MARCHF1: variants seen among roughly 807,000 people sequenced by gnomAD.
The protein encoded by MARCHF1 is E3 ubiquitin-protein ligase MARCHF1.
A neutral mutation model predicts 54.2 loss-of-function variants in MARCHF1; 40 were observed. The ratio of observed to expected loss-of-function variants is 0.74; its 90% CI spans 0.57 to 0.96. The LOEUF (loss-of-function observed/expected upper bound fraction) is 0.96. Ranked by LOEUF, MARCHF1 falls within the 40% of genes least tolerant of loss-of-function variation. MARCHF1 has a pLI of 0.00. For missense variants in MARCHF1, 586 were observed against 656.5 expected (o/e 0.89, Z 1.17); for synonymous variants, 236 against 236.3 (o/e 1.00, Z 0.01).
intron 1 of MARCHF1, chr4:164,197,682 C>A: frequency 6.2e-7 from 1 of 1,612,528 alleles, no homozygotes. Context: ...TGTTCCGCAG[C>A]TCTGAATGAA....
chr4:163,962,824 T>A (rs967062195), intron 3 of MARCHF1, among the ~76,000 whole-genome samples: 1 of 151,962 alleles, frequency 6.6e-6, no homozygotes, highest in African/African-American at 2.4e-5. Flanking sequence ...AAGCGATTTT[T>A]AAAAATGATT....
intron 4 of MARCHF1, among the ~76,000 whole-genome samples, chr4:163,853,225 A>G (rs1749687062): frequency 6.6e-6 from 1 of 151,944 alleles, no homozygotes; most frequent in South Asian, 2.1e-4. Flanking sequence ...TTCTTTGTTC[A>G]TATTTACTTA....
chr4:164,210,974 G>C (rs901924878), intron 1 of MARCHF1, among the ~76,000 whole-genome samples: 5 of 152,010 alleles, frequency 3.3e-5, no homozygotes, highest in Non-Finnish European at 7.4e-5. Context: ...ATTACTGCAA[G>C]ATCTCATTTA....
intron 1 of MARCHF1, among the ~76,000 whole-genome samples, chr4:164,332,181 CTTT>C (rs1052160402): frequency 6.6e-6 from 1 of 152,112 alleles, no homozygotes; most frequent in Admixed American, 6.6e-5. Flanking sequence ...TCCGTCAGGT[CTTT>C]TTTATTTGTC....
rs138419363 is a variant in MARCHF1 at position 163,747,408 on chromosome 4, A to G, written c.112-46545T>C. Among the ~76,000 whole-genome samples the G allele has an allele frequency of 2.7e-3, 418 of 152,286 alleles. 3 individuals carry two copies. The highest frequency in any genetic ancestry group is 9.6e-3 in the African/African-American group (399 of 41,556). Reference sequence around the variant, plus strand: ...AAATAATTCCCACAGGTACGTTCCAAGATATATAAGCTCACAGTCAAAACT... The same window carrying G: ...AAATAATTCCCACAGGTACGTTCCAGGATATATAAGCTCACAGTCAAAACT... On this transcript the variant is annotated intron_variant, in intron 4 of 9. Coordinates refer to ENST00000514618, the MANE Select transcript of MARCHF1 (RefSeq NM_001394959.1).
chr4:164,154,509 G>A (rs1472711003), intron 1 of MARCHF1, among the ~76,000 whole-genome samples: 3 of 152,192 alleles, frequency 2.0e-5, no homozygotes, highest in African/African-American at 7.2e-5. Context: ...AAACAGGAGA[G>A]TTCCCTGACC....
intron 2 of MARCHF1, among the ~76,000 whole-genome samples, chr4:164,095,477 AT>A (rs1203684143): frequency 6.6e-6 from 1 of 151,960 alleles, no homozygotes; most frequent in Non-Finnish European, 1.5e-5. Flanking sequence ...TCTATTGATG[AT>A]TTTTGTCCAT....
intron 1 of MARCHF1, among the ~76,000 whole-genome samples, chr4:164,201,397 T>C (rs797009396): frequency 2.4e-4 from 37 of 152,118 alleles, no homozygotes; most frequent in South Asian, 6.2e-4. Context: ...TTTTTTTGTA[T>C]TTATAGTAGA....
At chr4:163,734,142 C>A (rs574989516) in intron 4 of MARCHF1, among the ~76,000 whole-genome samples, 2 of 152,096 alleles carry the variant, frequency 1.3e-5, no homozygotes, top group African/African-American at 4.8e-5. Flanking sequence ...AAAATTAGAA[C>A]AAACAAGCAA....
intron 1 of MARCHF1, among the ~76,000 whole-genome samples, chr4:164,132,511 C>G (rs1756321889): frequency 1.3e-5 from 2 of 152,230 alleles, no homozygotes; most frequent in Admixed American, 1.3e-4. Flanking sequence ...CACCTTGACC[C>G]ACTATTAGTG....
intron 5 of MARCHF1, among the ~76,000 whole-genome samples, chr4:163,633,481 C>A (rs528227035): frequency 2.6e-5 from 4 of 151,946 alleles, no homozygotes; most frequent in Non-Finnish European, 4.4e-5. Context: ...CGATCAACTG[C>A]AAGGAAAGGT....
intron 2 of MARCHF1, among the ~76,000 whole-genome samples, chr4:164,016,219 C>A (rs1351855465): frequency 6.6e-6 from 1 of 152,066 alleles, no homozygotes; most frequent in Admixed American, 6.6e-5. Flanking sequence ...AGGAAACTTA[C>A]AATTATGGCA....
rs1467436958 is a variant in MARCHF1 at position 163,828,405 on chromosome 4, T to C, written c.111+25616A>G. ...CTAATGCTTCAGTCATTATAGACTT[T>C]TGTTCTGTGATTATCTTTCTTATAT... On this transcript the variant is annotated intron_variant, in intron 4 of 9. Transcript: ENST00000514618. Among the ~76,000 whole-genome samples, 5 of 152,272 alleles carry C rather than the reference T, an allele frequency of 3.3e-5. No homozygotes were observed. In the East Asian group the frequency reaches 9.6e-4, roughly 29 times the overall value.
intron 4 of MARCHF1, among the ~76,000 whole-genome samples, chr4:163,708,047 T>G (rs2111248315): frequency 6.6e-6 from 1 of 152,014 alleles, no homozygotes; most frequent in East Asian, 1.9e-4. Context: ...AGGCTTCTTG[T>G]GTTTGCATCA....
At chr4:164,128,719 G>A (rs1295513588) in intron 1 of MARCHF1, among the ~76,000 whole-genome samples, 1 of 152,098 alleles carries the variant, frequency 6.6e-6, no homozygotes, top group Non-Finnish European at 1.5e-5. Context: ...CATTGACTCA[G>A]CACTCCCACT....
intron 3 of MARCHF1, among the ~76,000 whole-genome samples, chr4:163,961,772 C>T (rs1210331062): frequency 6.6e-6 from 1 of 151,870 alleles, no homozygotes; most frequent in East Asian, 1.9e-4. Flanking sequence ...ACATACTTTC[C>T]TCTGAAACAC....
chr4:163,655,593 C>A (rs1383191972), intron 5 of MARCHF1, among the ~76,000 whole-genome samples: 1 of 151,828 alleles, frequency 6.6e-6, no homozygotes, highest in Non-Finnish European at 1.5e-5. Flanking sequence ...CCCAAAACAA[C>A]AGAATATACA....
At chr4:163,739,949 T>C (rs1425388554) in intron 4 of MARCHF1, among the ~76,000 whole-genome samples, 1 of 152,228 alleles carries the variant, frequency 6.6e-6, no homozygotes, top group Non-Finnish European at 1.5e-5. Flanking sequence ...AATACTTGAA[T>C]GATGGTAAAA....
chr4:164,358,726 A>G (rs1253141208), intron 1 of MARCHF1, among the ~76,000 whole-genome samples: 1 of 152,190 alleles, frequency 6.6e-6, no homozygotes, highest in African/African-American at 2.4e-5. Flanking sequence ...TATCAATAGT[A>G]TCCCAAGAAA....
Sources: allele counts gnomAD v4.1 joint callset (sites outside exome capture counted in the v4.1 genomes callset), GRCh38; gene constraint gnomAD v4.1.1; transcripts MANE v1.5; gene names NCBI Gene and HGNC (gene_info 2026-07-23, HGNC 2026-07-21).